PHACTR2: variants seen among roughly 807,000 people sequenced by gnomAD.
PHACTR2 encodes chromosome 6 open reading frame 56.
PHACTR2 carries 30 observed loss-of-function variants against 76.0 expected under a neutral mutation model. The ratio of observed to expected loss-of-function variants is 0.39; its 90% CI spans 0.30 to 0.54. The LOEUF is 0.54. Ranked by LOEUF, PHACTR2 falls within the 20% of genes least tolerant of loss-of-function variation. The pLI, the probability that PHACTR2 is intolerant of heterozygous loss-of-function variation, is 0.61. For missense variants in PHACTR2, 696 were observed against 781.1 expected (o/e 0.89, Z 1.30); for synonymous variants, 292 against 292.5 (o/e 1.00, Z 0.02).
chr6:143,665,220 G>T (rs1163912823), intron 1 of PHACTR2, among the ~76,000 whole-genome samples: 1 of 152,218 alleles, frequency 6.6e-6, no homozygotes, highest in Non-Finnish European at 1.5e-5. Context: ...TAAGTTGACA[G>T]TTGCTTCTTC....
rs528726000 is a variant in PHACTR2, at chr6:143,625,452, A to G, written c.13+17130A>G. Among the ~76,000 whole-genome samples the G allele has an allele frequency of 6.6e-6, 1 of 152,318 alleles. No homozygotes were observed. Among genetic ancestry groups the G allele is most frequent in the East Asian group, 1.9e-4 (1 of 5,190 alleles). On this transcript the variant is annotated intron_variant, in intron 1 of 11. Transcript: ENST00000305766. The surrounding 1 kb of genome is among the most constrained non-coding windows in gnomAD (Gnocchi z 4.3). The stretch of plus-strand genomic sequence containing the variant: ...ATATTATTTATAACTTAAGCCACAT[A>G]CCGTGAAAATAAACTACTCACAACA...
intron 1 of PHACTR2, among the ~76,000 whole-genome samples, chr6:143,626,555 G>C (rs1189844130): frequency 9.0e-6 from 1 of 111,648 alleles, no homozygotes; most frequent in Non-Finnish European, 2.0e-5. Context: ...AAAAAAATTA[G>C]CACAAAACTG....
chr6:143,637,081 C>T (rs1776467852), intron 1 of PHACTR2, among the ~76,000 whole-genome samples: 1 of 152,142 alleles, frequency 6.6e-6, no homozygotes, highest in Non-Finnish European at 1.5e-5. Flanking sequence ...TGGTGGCCTT[C>T]AGTGGTAGGG....
rs1289063133 is a variant in PHACTR2, at chr6:143,775,856, T to C, written c.1590-1472T>C. ...ATTTTGTAAGTTTTTGTTAAAATCC[T>C]AAACAAACGAGGAGTTGTAATCCCA... On this transcript the variant is annotated intron_variant, in intron 8 of 12. Coordinates refer to ENST00000440869, the MANE Select transcript of PHACTR2 (RefSeq NM_001100164.2). The surrounding 1 kb of genome is among the most constrained non-coding windows in gnomAD (Gnocchi z 4.4). 6.6e-6 allele frequency among the ~76,000 whole-genome samples: 1 copy of C among 152,214 alleles called. No individual in the cohort carries two copies. The highest frequency in any genetic ancestry group is 2.4e-5 in the African/African-American group (1 of 41,464).
In PHACTR2 at chr6:143,625,161, C is replaced by CA. The variant is rs772825475; in HGVS notation, c.13+16850dup. Among the ~76,000 whole-genome samples, 1,472 of 137,502 alleles carry CA rather than the reference C, an allele frequency of 0.011. 11 individuals are homozygous for CA. Among genetic ancestry groups the CA allele is most frequent in the Non-Finnish European group, 0.014 (867 of 63,096 alleles). The allele number at this position is 137,502 out of a possible 152,430, so 90.2% of individuals were successfully genotyped here. A position where few individuals can be genotyped will look rare whatever the true frequency, so the allele number is the denominator to read the frequency against. ...GTAGAGACAGAATGAGACTTCATCT[C>CA]AAAAAAAAAAAGTATAGTCAAGGAA... is the stretch of plus-strand genomic sequence containing the variant. On this transcript the variant is annotated intron_variant, in intron 1 of 11. Coordinates refer to the PHACTR2 transcript ENST00000305766. This position sits in a 1 kb window ranked among gnomAD's most constrained non-coding sequence, Gnocchi z 4.3.
chr6:143,641,429 T>C lies in PHACTR2; in HGVS notation c.13+33107T>C, dbSNP rs1291935636. On this transcript the variant is annotated intron_variant, in intron 1 of 11. Coordinates refer to the PHACTR2 transcript ENST00000305766. This position sits in a 1 kb window ranked among gnomAD's most constrained non-coding sequence, Gnocchi z 5.8. ...AGTGCCTTGAGAACGAGCACTGCCC[T>C]GCCAATTCCTGACTTCTTACCTTCA... Among the ~76,000 whole-genome samples, 1 of 152,210 alleles carries C rather than the reference T, an allele frequency of 6.6e-6. No individual in the cohort carries two copies. Among genetic ancestry groups the C allele is most frequent in the Non-Finnish European group, 1.5e-5 (1 of 68,038 alleles).
At chr6:143,551,640 C>T (rs1023923320) in intron 1 of PHACTR2, among the ~76,000 whole-genome samples, 1 of 151,990 alleles carries the variant, frequency 6.6e-6, no homozygotes, top group Non-Finnish European at 1.5e-5. Context: ...AACATAGGGA[C>T]CTCCTTCTAG....
intron 1 of PHACTR2, among the ~76,000 whole-genome samples, chr6:143,655,637 C>G (rs1310811991): frequency 6.6e-6 from 1 of 152,194 alleles, no homozygotes; most frequent in Non-Finnish European, 1.5e-5. Context: ...CAAAGATTTA[C>G]AACTCTGTAC....
chr6:143,597,015 T>G lies in PHACTR2; in HGVS notation c.217+59808T>G, dbSNP rs1229943322. Among the ~76,000 whole-genome samples the G allele has an allele frequency of 6.6e-6, 1 of 152,182 alleles. No individual in the cohort carries two copies. The highest frequency in any genetic ancestry group is 2.4e-5 in the African/African-American group (1 of 41,440). On this transcript the variant is annotated intron_variant, in intron 1 of 11. Coordinates refer to the PHACTR2 transcript ENST00000367584. The surrounding 1 kb of genome is among the most constrained non-coding windows in gnomAD (Gnocchi z 5.7). ...CTGCCAGCACAGCCCTCCTGCCTCC[T>G]TCCCTCCTGCGTTTCTGCTCCCAGT...
rs772141844 is a variant in PHACTR2, at chr6:143,678,209, G to A, written c.46G>A (p.Val16Ile). 6.5e-7 allele frequency: 1 copy of A among 1,533,600 alleles called. No homozygotes were observed. The highest frequency in any genetic ancestry group is 1.2e-5 in the South Asian group (1 of 83,176). 95.0% of individuals were successfully genotyped at this position (1,533,600 alleles called of 1,614,324 possible). A position where few individuals can be genotyped will look rare whatever the true frequency, so the allele number is the denominator to read the frequency against. ...VSTLSPQPGS[V>I]DGLDKASIAN... ...CACGCTGTCCCCGCAGCCCGGCAGC[G>A]GTGAGTCCGGGGCGCACGCGATGCG... Residue 16 changes from valine (V) to isoleucine (I), a missense_variant and splice_region_variant, in exon 1 of 13, where the codon GTT (valine) becomes ATT (isoleucine). Val to Ile is a conservative substitution (Grantham distance 29, BLOSUM62 3). Transcript: ENST00000440869. The surrounding 1 kb of genome is among the most constrained non-coding windows in gnomAD (Gnocchi z 6.2).
intron 2 of PHACTR2, among the ~76,000 whole-genome samples, chr6:143,747,427 G>A (rs1452818107): frequency 4.6e-5 from 7 of 152,200 alleles, no homozygotes; most frequent in Non-Finnish European, 1.0e-4. Flanking sequence ...TCCTATCAGT[G>A]TCCTTGCTTG....
At chr6:143,568,123 C>T (rs1358526431) in intron 1 of PHACTR2, among the ~76,000 whole-genome samples, 2 of 151,926 alleles carry the variant, frequency 1.3e-5, no homozygotes. Context: ...CCATAATATC[C>T]AGGCCTTCTT....
At chr6:143,810,821 G>A (rs578230478) in intron 12 of PHACTR2, among the ~76,000 whole-genome samples, 2 of 150,596 alleles carry the variant, frequency 1.3e-5, no homozygotes, top group East Asian at 3.9e-4. Context: ...GACAAAGTGA[G>A]ACCCTGTCTC....
chr6:143,805,814 G>T (rs1004940796), intron 11 of PHACTR2, among the ~76,000 whole-genome samples: 4 of 152,234 alleles, frequency 2.6e-5, no homozygotes, highest in East Asian at 3.8e-4. Context: ...CTGTGACATG[G>T]ACTTAAATAT....
rs1215133736 is a variant in PHACTR2 at position 143,557,950 on chromosome 6, A to G, written c.217+20743A>G. 2 of 152,166 alleles carry G rather than the reference A, an allele frequency of 1.3e-5. No individual in the cohort carries two copies. The highest frequency in any genetic ancestry group is 1.5e-5 in the Non-Finnish European group (1 of 68,062). The allele number at this position is 152,166 out of a possible 1,614,324, so 9.4% of individuals were successfully genotyped here. A position where few individuals can be genotyped will look rare whatever the true frequency, so the allele number is the denominator to read the frequency against. ...TTTGTTTTCTCATTCCTGCCTCAGCAATACCCTTGAAGGATGGATGGGATC... is the reference window on the plus strand; with the variant it reads ...TTTGTTTTCTCATTCCTGCCTCAGCGATACCCTTGAAGGATGGATGGGATC... On this transcript the variant is annotated intron_variant, in intron 1 of 11. Coordinates refer to the PHACTR2 transcript ENST00000367584. The surrounding 1 kb of genome is among the most constrained non-coding windows in gnomAD (Gnocchi z 5.5).
Position 143,788,901 on chromosome 6 carries a change from T to C in PHACTR2, c.1836T>C (p.Pro612=). 1 of 1,609,716 alleles carries C rather than the reference T, an allele frequency of 6.2e-7. No individual in the cohort carries two copies. The highest frequency in any genetic ancestry group is 8.5e-7 in the Non-Finnish European group (1 of 1,176,430). Residue 612 remains proline, a synonymous_variant, in exon 11 of 13, where the codon CCT becomes CCC. Transcript: ENST00000440869. ...RADKPWARLT[P]ADKAAIRKEL... is the part of the protein sequence containing the mutation. The stretch of plus-strand genomic sequence containing the variant: ...ACAAGCCCTGGGCCAGGTTAACACC[T>C]GCAGACAAGGCAAGAATCCCAGTGG...
Position 143,610,662 on chromosome 6 carries a change from C to G in PHACTR2, c.13+2340C>G, listed in dbSNP as rs13195900. Reference sequence around the variant, plus strand: ...AAGTAAGATGAGCTGCTTGGGACTCCGGCCCTTTTGGTGGGTGTGTGTACA... The same window carrying G: ...AAGTAAGATGAGCTGCTTGGGACTCGGGCCCTTTTGGTGGGTGTGTGTACA... On this transcript the variant is annotated intron_variant, in intron 1 of 11. Transcript: ENST00000305766. This position sits in a 1 kb window ranked among gnomAD's most constrained non-coding sequence, Gnocchi z 4.9. Among the ~76,000 whole-genome samples the G allele has an allele frequency of 1.3e-5, 2 of 152,116 alleles. No homozygotes were observed. The highest frequency in any genetic ancestry group is 3.9e-4 in the East Asian group (2 of 5,184).
intron 12 of PHACTR2, among the ~76,000 whole-genome samples, chr6:143,812,776 A>G (rs1025178706): frequency 1.3e-5 from 2 of 152,194 alleles, no homozygotes; most frequent in Non-Finnish European, 2.9e-5. Context: ...TTCAAAACCA[A>G]AAAGTCCATT....
At position 143,698,841 on chromosome 6, in the gene PHACTR2, A is replaced by G; in HGVS notation, c.47-13175A>G. 6.6e-6 allele frequency among the ~76,000 whole-genome samples: 1 copy of G among 152,190 alleles called. No homozygotes were observed. The highest frequency in any genetic ancestry group is 1.5e-5 in the Non-Finnish European group (1 of 68,030). ...CATGAATGTTTCCGTTCCACAGTGA[A>G]CACACTTTTCTACAGCCTCATTATT... On this transcript the variant is annotated intron_variant, in intron 1 of 12. Coordinates refer to ENST00000440869, the MANE Select transcript of PHACTR2 (RefSeq NM_001100164.2). The surrounding 1 kb of genome is among the most constrained non-coding windows in gnomAD (Gnocchi z 4.3).
Sources: gnomAD v4.1 joint callset for allele counts (sites outside exome capture counted in the v4.1 genomes callset) on GRCh38, gnomAD v4.1.1 for gene constraint, Gnocchi (gnomAD v3.1) non-coding constraint, MANE v1.5 for transcripts, NCBI Gene and HGNC (gene_info 2026-07-23, HGNC 2026-07-21) for gene names.